The following ZNF441 variants were observed in gnomAD, a reference collection of about 807,000 sequenced individuals.
ZNF441 encodes the protein zinc finger protein 441.
Under a neutral mutation model 64.5 loss-of-function variants are expected in ZNF441, and 25 were observed. The observed-to-expected ratio is 0.39, with a 90% CI of 0.28 to 0.54. The LOEUF is 0.54. Ranked by LOEUF, ZNF441 falls within the 20% of genes least tolerant of loss-of-function variation. ZNF441 has a pLI of 0.70. For synonymous variants in ZNF441, 262 were observed against 268.0 expected (o/e 0.98, Z 0.22); for missense variants, 715 against 843.3 (o/e 0.85, Z 1.88).
At chr19:11,779,314 G>C in intron 3 of ZNF441, among the ~76,000 whole-genome samples, 1 of 98,592 alleles carries the variant, frequency 1.0e-5, no homozygotes, top group Non-Finnish European at 1.9e-5. Flanking sequence ...GCAAAACCCA[G>C]TTTCAAAAAA....
rs184013356 is a variant in ZNF441, at chr19:11,774,342, C to T, written c.4-3269C>T. On this transcript the variant is annotated intron_variant, in intron 1 of 3. Transcript: ENST00000357901. ...GTCTTCATTTAATTCTAAGAGTCTT[C>T]GTGTGTGGGTGTGTGATCCAAATTT... 2.0e-3 allele frequency among the ~76,000 whole-genome samples: 304 copies of T among 152,244 alleles called. 1 individual carries two copies. Among genetic ancestry groups the T allele is most frequent in the African/African-American group, 6.6e-3 (274 of 41,568 alleles).
In ZNF441 at chr19:11,781,032, T is replaced by A. The variant is rs922383458; in HGVS notation, c.1208T>A (p.Phe403Tyr). The A allele has an allele frequency of 3.1e-6, 5 of 1,613,850 alleles. No homozygotes were observed. Among genetic ancestry groups the A allele is most frequent in the Middle Eastern group, 1.7e-4 (1 of 6,054 alleles). The change falls in exon 4 of 4, where the codon TTC becomes TAC. Residue 403 changes from phenylalanine (F) to tyrosine (Y), a missense_variant. By Grantham distance (22) the Phe-to-Tyr change is conservative. Transcript: ENST00000357901. ...KCECGKAFSD[F>Y]YYFRNHETTH... ...GAATGTGGGAAAGCCTTTAGTGATT[T>A]CTATTACTTTCGAAATCATGAAACT...
rs1223860239 is a variant in ZNF441, at chr19:11,767,020, G to T, written c.-174G>T. ...GAACTGTCAATCAGGCGCACTGACC[G>T]GAGGAGGGTGCAAGGTTCAAAGAGC... On this transcript the variant is annotated 5_prime_UTR_variant, in exon 1 of 4. Transcript: ENST00000357901. The surrounding 1 kb of genome is among the most constrained non-coding windows in gnomAD (Gnocchi z 5.1). 6.3e-5 allele frequency: 57 copies of T among 904,298 alleles called. No homozygotes were observed. The highest frequency in any genetic ancestry group is 3.4e-6 in the Non-Finnish European group (2 of 593,402). The allele number at this position is 904,298 out of a possible 1,614,324, so 56.0% of individuals were successfully genotyped here.
rs1227389929 is a variant in ZNF441, at chr19:11,780,640, G to A, written c.816G>A (p.Arg272=). ...CCTGTTACACTCAACTATATGAAAG[G>A]ACTCACACTGGAGAACAATCCTATG... ...SCSCYTQLYE[R]THTGEQSYEC... Residue 272 remains arginine (R), a synonymous_variant, in exon 4 of 4, where the codon AGG becomes AGA. Transcript: ENST00000357901. The A allele has an allele frequency of 1.9e-6, 3 of 1,613,746 alleles. No homozygotes were observed. In the African/African-American group the frequency reaches 4.0e-5, roughly 22 times the overall value.
In ZNF441 at chr19:11,781,513, A is replaced by G. The variant is rs375456040; in HGVS notation, c.1689A>G (p.Gln563=). Residue 563 remains glutamine, a synonymous_variant, in exon 4 of 4, where the codon CAA becomes CAG. Coordinates refer to ENST00000357901, the MANE Select transcript of ZNF441 (RefSeq NM_152355.3). The stretch of plus-strand genomic sequence containing the variant: ...GAGAGAAACCCTATGGTTGTCAGCA[A>G]TGTGGGAAAGCATTATCTGATCTCT... ...HTGEKPYGCQ[Q]CGKALSDLSS... 1.9e-5 allele frequency: 31 copies of G among 1,613,978 alleles called. No individual in the cohort carries two copies. Among genetic ancestry groups the G allele is most frequent in the East Asian group, 2.2e-5 (1 of 44,876 alleles).
chr19:11,779,113 G>A (rs1975376034), intron 3 of ZNF441, among the ~76,000 whole-genome samples: 2 of 152,088 alleles, frequency 1.3e-5, no homozygotes, highest in Admixed American at 6.6e-5. Context: ...TTGAGCCCAG[G>A]TGTTCAATCA....
In ZNF441 at chr19:11,781,868, T is replaced by C. The variant is rs776911376; in HGVS notation, c.2044T>C (p.Cys682Arg). The C allele has an allele frequency of 6.2e-7, 1 of 1,606,392 alleles. No individual in the cohort carries two copies. The highest frequency in any genetic ancestry group is 1.1e-5 in the South Asian group (1 of 90,700). The change falls in exon 4 of 4, where the codon TGT (cysteine) becomes CGT (arginine). Residue 682 changes from cysteine (C) to arginine (R), a missense_variant. This residue lies in a region of ZNF441 where 316 missense variants were observed against 429.3 expected (regional missense o/e 0.74). Transcript: ENST00000357901. ...TAAAGAATGTGGGGAAGCATTTCAT[T>C]GTATCAGTTCCTTTCATAAACATGA... ...KCKECGEAFH[C>R]ISSFHKHEMT...
In ZNF441 at chr19:11,783,699, T is replaced by C. The variant is rs540028168; in HGVS notation, c.*1793T>C. 5.3e-5 allele frequency: 8 copies of C among 152,280 alleles called. No individual in the cohort carries two copies. The highest frequency in any genetic ancestry group is 1.0e-4 in the Non-Finnish European group (7 of 68,010). 9.4% of individuals were successfully genotyped at this position (152,280 alleles called of 1,614,324 possible). A position where few individuals can be genotyped will look rare whatever the true frequency, so the allele number is the denominator to read the frequency against. ...GACAAATACCACATGTTCTCACTTA[T>C]ATGTGGGAGGTGAAAAACTTCACCT... On this transcript the variant is annotated 3_prime_UTR_variant, in exon 4 of 4. Coordinates refer to ENST00000357901, the MANE Select transcript of ZNF441 (RefSeq NM_152355.3).
rs374181425 is a variant in ZNF441 at position 11,780,853 on chromosome 19, A to G, written c.1029A>G (p.Lys343=). ...CGTATGAATGTAAGTATTGTGGGAA[A>G]GCATTCTCTGATTGCACAGGTTTTC... ...EKPYECKYCG[K]AFSDCTGFRR... is the part of the protein sequence containing the mutation. The change falls in exon 4 of 4, where the codon AAA becomes AAG. Residue 343 remains lysine (K), a synonymous_variant. Transcript: ENST00000357901. 13 of 1,614,080 alleles carry G rather than the reference A, an allele frequency of 8.1e-6. No homozygotes were observed. Among genetic ancestry groups the G allele is most frequent in the African/African-American group, 4.0e-5 (3 of 74,942 alleles).
intron 1 of ZNF441, among the ~76,000 whole-genome samples, chr19:11,773,123 C>T (rs1331012791): frequency 2.0e-5 from 3 of 152,124 alleles, no homozygotes; most frequent in Non-Finnish European, 2.9e-5. Flanking sequence ...CTTCTAAGCA[C>T]ATTCTAAAAA....
At chr19:11,774,622 T>C (rs974116674) in intron 1 of ZNF441, among the ~76,000 whole-genome samples, 2 of 152,220 alleles carry the variant, frequency 1.3e-5, no homozygotes, top group Non-Finnish European at 2.9e-5. Flanking sequence ...AATTTCTAAT[T>C]TTGTATTGAT....
Position 11,781,404 on chromosome 19 carries a change from G to C in ZNF441, c.1580G>C (p.Gly527Ala), listed in dbSNP as rs1321135183. 1 of 1,614,038 alleles carries C rather than the reference G, an allele frequency of 6.2e-7. No individual in the cohort carries two copies. The highest frequency in any genetic ancestry group is 1.7e-5 in the Admixed American group (1 of 60,014). ...CGAAGACATGAAAGAATTCACACTG[G>C]GGAGAGACCCTATAAGTGTAAACTA... Reference protein sequence around the residue: ...SFRRHERIHTGERPYKCKLCG... With the variant: ...SFRRHERIHTAERPYKCKLCG... The change falls in exon 4 of 4, where the codon GGG becomes GCG. Residue 527 changes from glycine to alanine, a missense_variant. Transcript: ENST00000357901.
chr19:11,769,788 G>GC (rs1299469887), intron 1 of ZNF441, among the ~76,000 whole-genome samples: 4 of 151,980 alleles, frequency 2.6e-5, no homozygotes, highest in Admixed American at 6.6e-5. Flanking sequence ...TGATTCTCCT[G>GC]CCTCAGCTTC....
Position 11,780,861 on chromosome 19 carries a change from CT to C in ZNF441, c.1038del (p.Asp347IlefsTer9). The C allele has an allele frequency of 6.2e-7, 1 of 1,613,800 alleles. No homozygotes were observed. Among genetic ancestry groups the C allele is most frequent in the Non-Finnish European group, 8.5e-7 (1 of 1,179,956 alleles). On this transcript the variant is annotated frameshift_variant, in exon 4 of 4. Coordinates refer to ENST00000357901, the MANE Select transcript of ZNF441 (RefSeq NM_152355.3). LOFTEE classifies it high-confidence loss of function. ...TGTAAGTATTGTGGGAAAGCATTCT[CT>C]GATTGCACAGGTTTTCGAAGACACA... Reference protein sequence around the residue: ...YECKYCGKAFSDCTGFRRHMI... With the variant: ...YECKYCGKAFXDCTGFRRHMI...
Position 11,767,097 on chromosome 19 carries a change from G to C in ZNF441, c.-97G>C. On this transcript the variant is annotated 5_prime_UTR_variant, in exon 1 of 4. Coordinates refer to ENST00000357901, the MANE Select transcript of ZNF441 (RefSeq NM_152355.3). The surrounding 1 kb of genome is among the most constrained non-coding windows in gnomAD (Gnocchi z 5.1). ...ACTGGGCTCCGGGTTCTGTCACTGA[G>C]AGACGCCCTGGAACGTCTGTGGCAG... The C allele has an allele frequency of 6.5e-7, 1 of 1,541,496 alleles. No individual in the cohort carries two copies. Among genetic ancestry groups the C allele is most frequent in the Non-Finnish European group, 8.8e-7 (1 of 1,138,372 alleles).
chr19:11,771,971 T>C (rs12980347), intron 1 of ZNF441, among the ~76,000 whole-genome samples: 73,692 of 151,996 alleles, frequency 0.48, 19,216 homozygotes, highest in African/African-American at 0.7. Context: ...ACTCCTAGTC[T>C]GCCTTCATGT....
intron 1 of ZNF441, among the ~76,000 whole-genome samples, chr19:11,769,443 T>C (rs1975296083): frequency 1.3e-5 from 2 of 152,150 alleles, no homozygotes; most frequent in Non-Finnish European, 2.9e-5. Context: ...CCATTTTTCA[T>C]TGGTTTATGT....
intron 1 of ZNF441, among the ~76,000 whole-genome samples, chr19:11,770,949 A>AAAT (rs1555770876): frequency 6.7e-6 from 1 of 148,896 alleles, no homozygotes; most frequent in African/African-American, 2.5e-5. Flanking sequence ...AAAAAAAAAA[A>AAAT]TTGAATGCAA....
Position 11,780,648 on chromosome 19 carries a change from C to T in ZNF441, c.824C>T (p.Thr275Ile). ...ACTCAACTATATGAAAGGACTCACA[C>T]TGGAGAACAATCCTATGAATGTAAG... ...CYTQLYERTH[T>I]GEQSYECKQC... The change falls in exon 4 of 4, where the codon ACT becomes ATT. Residue 275 changes from threonine (T) to isoleucine (I), a missense_variant. Around this residue, in one of 2 missense-constraint regions of ZNF441, gnomAD observed 399 missense variants for 413.9 expected, o/e 0.96. Transcript: ENST00000357901. 3 of 1,614,148 alleles carry T rather than the reference C, an allele frequency of 1.9e-6. No individual in the cohort carries two copies. The highest frequency in any genetic ancestry group is 2.5e-6 in the Non-Finnish European group (3 of 1,180,022).
Sources: allele counts gnomAD v4.1 joint callset (sites outside exome capture counted in the v4.1 genomes callset), GRCh38; gene constraint gnomAD v4.1.1; regional missense constraint gnomAD v4.1.1; non-coding constraint Gnocchi (gnomAD v3.1); transcripts MANE v1.5; gene names NCBI Gene and HGNC (gene_info 2026-07-23, HGNC 2026-07-21).